The following TCERG1L variants were observed in gnomAD, a reference collection of about 807,000 sequenced individuals.
TCERG1L encodes transcription elongation regulator 1-like protein.
In TCERG1L, 37 loss-of-function variants were observed where a neutral mutation model predicts 56.3. The observed-to-expected ratio is 0.66, with a 90% CI of 0.51 to 0.87. The LOEUF (loss-of-function observed/expected upper bound fraction) is 0.87, where lower values mean the gene tolerates loss of function less well. TCERG1L is among the 40% of genes least tolerant of loss of function. The probability of loss-of-function intolerance (pLI) is 0.00; values close to 1 mark genes in which losing one functional copy is unlikely to be tolerated. For missense variants in TCERG1L, 799 were observed against 774.2 expected (o/e 1.03, Z -0.38); for synonymous variants, 324 against 326.3 (o/e 0.99, Z 0.08).
intron 7 of TCERG1L, among the ~76,000 whole-genome samples, chr10:131,137,551 A>G (rs1234357022): frequency 6.6e-6 from 1 of 152,208 alleles, no homozygotes; most frequent in African/African-American, 2.4e-5. Context: ...TGCCTGGAAG[A>G]AGGCATGGGA....
At chr10:131,130,376 C>T (rs953813697) in intron 8 of TCERG1L, among the ~76,000 whole-genome samples, 1 of 152,180 alleles carries the variant, frequency 6.6e-6, no homozygotes, top group African/African-American at 2.4e-5. Context: ...GGGGACACAG[C>T]CAAACCATAT....
intron 7 of TCERG1L, among the ~76,000 whole-genome samples, chr10:131,146,209 T>C (rs1396470131): frequency 6.6e-6 from 1 of 152,166 alleles, no homozygotes; most frequent in Non-Finnish European, 1.5e-5. Context: ...AATAAAATGC[T>C]GGGTAACAGT....
chr10:131,148,460 A>G (rs1474322383), intron 6 of TCERG1L, among the ~76,000 whole-genome samples: 2 of 144,846 alleles, frequency 1.4e-5, no homozygotes, highest in African/African-American at 4.9e-5. Context: ...ACATAAACAC[A>G]CACAGACACA....
chr10:131,267,331 A>G lies in TCERG1L; in HGVS notation c.671-6887T>C, dbSNP rs546053552. 3.2e-4 allele frequency among the ~76,000 whole-genome samples: 48 copies of G among 152,296 alleles called. No individual in the cohort carries two copies. In the South Asian group the frequency reaches 9.6e-3, roughly 30 times the overall value. ...CCAACCCTACTCTAGGATCGGAGTA[A>G]GCACTGGAAGCAGGGAGAGGCCAGG... On this transcript the variant is annotated intron_variant, in intron 3 of 11. Transcript: ENST00000368642. This position sits in a 1 kb window ranked among gnomAD's most constrained non-coding sequence, Gnocchi z 4.9.
At position 131,169,793 on chromosome 10, in the gene TCERG1L, T is replaced by A. The variant is rs150024700; in HGVS notation, c.857-2908A>T. On this transcript the variant is annotated intron_variant, in intron 4 of 11. Coordinates refer to ENST00000368642, the MANE Select transcript of TCERG1L (RefSeq NM_174937.4). ...CGAGCATGTAAATAAATACACATTG[T>A]GAAAAACTGTGTTAGGAACACTGGC... 3.5e-3 allele frequency among the ~76,000 whole-genome samples: 533 copies of A among 152,294 alleles called. 7 individuals carry two copies. The highest frequency in any genetic ancestry group is 0.013 in the African/African-American group (521 of 41,554).
intron 4 of TCERG1L, among the ~76,000 whole-genome samples, chr10:131,219,199 C>T (rs1041298733): frequency 6.6e-6 from 1 of 152,196 alleles, no homozygotes; most frequent in Non-Finnish European, 1.5e-5. Flanking sequence ...GCCCTTGCCC[C>T]CAACTTCCCC....
At chr10:131,119,222 A>G (rs932187719) in intron 8 of TCERG1L, among the ~76,000 whole-genome samples, 1 of 152,206 alleles carries the variant, frequency 6.6e-6, no homozygotes, top group African/African-American at 2.4e-5. Context: ...TGTACTGAGA[A>G]TATGCAATGC....
At chr10:131,283,202 G>GTACAGTTGCCAAAGGCTGATCA (rs1846481502) in intron 3 of TCERG1L, among the ~76,000 whole-genome samples, 1 of 152,206 alleles carries the variant, frequency 6.6e-6, no homozygotes, top group Non-Finnish European at 1.5e-5. Flanking sequence ...GGATGCATTG[G>GTACAGTTGCCAAAGGCTGATCA]TACAGTTGCC....
At chr10:131,122,992 A>C (rs1023274883) in intron 8 of TCERG1L, among the ~76,000 whole-genome samples, 1 of 152,192 alleles carries the variant, frequency 6.6e-6, no homozygotes, top group African/African-American at 2.4e-5. Context: ...GGTCCTCCCA[A>C]CTGTGGCAAC....
intron 3 of TCERG1L, among the ~76,000 whole-genome samples, chr10:131,286,637 C>A (rs908902010): frequency 3.9e-5 from 6 of 152,088 alleles, no homozygotes; most frequent in African/African-American, 1.4e-4. Context: ...CATTTAAATA[C>A]CATATATGTA....
chr10:131,143,787 C>T (rs955844770), intron 7 of TCERG1L, among the ~76,000 whole-genome samples: 5 of 152,122 alleles, frequency 3.3e-5, no homozygotes, highest in South Asian at 2.1e-4. Context: ...CCTGGCACTT[C>T]TCATTTTCCT....
rs1846172871 is a variant in TCERG1L at position 131,256,992 on chromosome 10, G to GAAA, written c.856+3266_856+3267insTTT. Among the ~76,000 whole-genome samples the GAAA allele has an allele frequency of 4.3e-3, 254 of 59,172 alleles. 2 individuals are homozygous for GAAA. The highest frequency in any genetic ancestry group is 8.5e-3 in the African/African-American group (154 of 18,130). The allele number at this position is 59,172 out of a possible 152,430, so 38.8% of individuals were successfully genotyped here. On this transcript the variant is annotated intron_variant, in intron 4 of 11. Transcript: ENST00000368642. Reference sequence around the variant, plus strand: ...AGGAAGGAAGGAAGGAAGGAAGGAAGGAAAGAAAGAAAGAAAGAAAGAAAG... The same window carrying GAAA: ...AGGAAGGAAGGAAGGAAGGAAGGAAGAAAGAAAGAAAGAAAGAAAGAAAGAAAG...
intron 8 of TCERG1L, among the ~76,000 whole-genome samples, chr10:131,130,087 T>TA (rs34675215): frequency 0.12 from 14,028 of 116,006 alleles, 907 homozygotes; most frequent in African/African-American, 0.23. Context: ...GGGTGATTTA[T>TA]AAAAAAAAAA....
intron 10 of TCERG1L, among the ~76,000 whole-genome samples, chr10:131,101,303 G>T (rs979234988): frequency 2.0e-5 from 3 of 152,214 alleles, no homozygotes; most frequent in African/African-American, 7.2e-5. Flanking sequence ...AAGCAGACTG[G>T]GCCCCTGTGT....
Position 131,280,574 on chromosome 10 carries a change from C to T in TCERG1L, c.671-20130G>A, listed in dbSNP as rs574992121. Among the ~76,000 whole-genome samples the T allele has an allele frequency of 7.4e-4, 111 of 149,236 alleles. 1 individual carries two copies. Among genetic ancestry groups the T allele is most frequent in the Non-Finnish European group, 1.2e-3 (78 of 67,236 alleles). ...AGTGGTGATTTTGAATAGAATGGGA[C>T]GCAGGTTGGCCCTAAGCAGTTCCCA... On this transcript the variant is annotated intron_variant, in intron 3 of 11. Transcript: ENST00000368642.
intron 4 of TCERG1L, among the ~76,000 whole-genome samples, chr10:131,177,510 G>T (rs1021376363): frequency 4.6e-5 from 7 of 152,250 alleles, no homozygotes; most frequent in South Asian, 2.1e-4. Flanking sequence ...AGAACTGTGT[G>T]TGCCCTGCAC....
chr10:131,311,712 G>A lies in TCERG1L; in HGVS notation c.-77C>T, dbSNP rs1846905225. ...CTGGGCCGGCGGCGGCGCGGCTCCG[G>A]AGCGAACTCACTTGGCTCCGCGGCG... On this transcript the variant is annotated 5_prime_UTR_variant, in exon 1 of 12. Coordinates refer to ENST00000368642, the MANE Select transcript of TCERG1L (RefSeq NM_174937.4). The surrounding 1 kb of genome is among the most constrained non-coding windows in gnomAD (Gnocchi z 4.0). 13 of 743,318 alleles carry A rather than the reference G, an allele frequency of 1.7e-5. No homozygotes were observed. Among genetic ancestry groups the A allele is most frequent in the Non-Finnish European group, 2.2e-5 (13 of 589,966 alleles). 46.0% of individuals were successfully genotyped at this position (743,318 alleles called of 1,614,324 possible). A position where few individuals can be genotyped will look rare whatever the true frequency, so the allele number is the denominator to read the frequency against.
Position 131,116,854 on chromosome 10 carries a change from A to T in TCERG1L, c.1340T>A (p.Leu447His). The T allele has an allele frequency of 1.9e-6, 3 of 1,585,414 alleles. No homozygotes were observed. Among genetic ancestry groups the T allele is most frequent in the Admixed American group, 1.8e-5 (1 of 55,666 alleles). Reference sequence around the variant, plus strand: ...GGTCACACGCTCCTCCAGAGGCAGGAGGATCTGCGGGGGCGGCGTCCTTGT... The same window carrying T: ...GGTCACACGCTCCTCCAGAGGCAGGTGGATCTGCGGGGGCGGCGTCCTTGT... Reference protein sequence around the residue: ...KGTRTPPPQILLPLEERVTHF... With the variant: ...KGTRTPPPQIHLPLEERVTHF... The change falls in exon 9 of 12, where the codon CTC becomes CAC. Residue 447 changes from leucine (L) to histidine (H), a missense_variant. By Grantham distance (99) the Leu-to-His change is moderately conservative. Transcript: ENST00000368642.
chr10:131,276,952 C>G (rs889897693), intron 3 of TCERG1L, among the ~76,000 whole-genome samples: 1 of 152,240 alleles, frequency 6.6e-6, no homozygotes, highest in Non-Finnish European at 1.5e-5. Context: ...AAAGCTAAGA[C>G]AGAAATGCTC....
Sources: allele counts gnomAD v4.1 joint callset (sites outside exome capture counted in the v4.1 genomes callset), GRCh38; gene constraint gnomAD v4.1.1; non-coding constraint Gnocchi (gnomAD v3.1); transcripts MANE v1.5; gene names NCBI Gene and HGNC (gene_info 2026-07-23, HGNC 2026-07-21).